Variants in CDYL observed in about 807,000 individuals in gnomAD.
CDYL encodes the protein chromodomain Y like.
Under a neutral mutation model 47.3 loss-of-function variants are expected in CDYL, and 8 were observed. That is an observed-to-expected ratio of 0.17 (90% CI 0.10 to 0.31). The LOEUF is 0.31. Among genes scored for constraint, CDYL ranks in the 10% least tolerant of loss-of-function variants. The probability of loss-of-function intolerance (pLI) is 1.00; values close to 1 mark genes in which losing one functional copy is unlikely to be tolerated. For synonymous variants in CDYL, 266 were observed against 265.0 expected (o/e 1.00, Z -0.04); for missense variants, 471 against 701.4 (o/e 0.67, Z 3.71).
chr6:4,904,315 C>T (rs776360975), intron 2 of CDYL, among the ~76,000 whole-genome samples: 3 of 152,246 alleles, frequency 2.0e-5, no homozygotes, highest in South Asian at 2.1e-4. Context: ...GAATACCCAT[C>T]TCCTCCAGTG....
At chr6:4,898,334 G>A (rs1762347140) in intron 2 of CDYL, among the ~76,000 whole-genome samples, 2 of 152,196 alleles carry the variant, frequency 1.3e-5, no homozygotes, top group African/African-American at 2.4e-5. Flanking sequence ...GACATTTGAA[G>A]TCAAGTTACA....
chr6:4,722,120 T>G (rs1018913986), intron 2 of CDYL, among the ~76,000 whole-genome samples: 1 of 152,228 alleles, frequency 6.6e-6, no homozygotes, highest in Non-Finnish European at 1.5e-5. Flanking sequence ...CCCAAAGTGT[T>G]GGGATTACAG....
chr6:4,917,989 A>G (rs934778068), intron 2 of CDYL, among the ~76,000 whole-genome samples: 1 of 152,232 alleles, frequency 6.6e-6, no homozygotes, highest in Non-Finnish European at 1.5e-5. Flanking sequence ...CTATTCATGT[A>G]TCTACCCAAG....
At chr6:4,791,315 C>G (rs144320061) in intron 1 of CDYL, among the ~76,000 whole-genome samples, 2 of 152,156 alleles carry the variant, frequency 1.3e-5, no homozygotes, top group Non-Finnish European at 2.9e-5. Flanking sequence ...AAATTTTTAA[C>G]GAAGACCTTT....
intron 5 of CDYL, among the ~76,000 whole-genome samples, chr6:4,946,346 C>CT (rs1170928572): frequency 1.3e-5 from 2 of 152,112 alleles, no homozygotes; most frequent in Admixed American, 6.5e-5. Flanking sequence ...CCTTGATCCA[C>CT]TTTTTTTTCT....
intron 2 of CDYL, among the ~76,000 whole-genome samples, chr6:4,901,457 T>C (rs1487882843): frequency 1.3e-5 from 2 of 152,176 alleles, no homozygotes; most frequent in African/African-American, 4.8e-5. Context: ...ACAGGCTCTC[T>C]AGCCTCTTCC....
Position 4,895,794 on chromosome 6 carries a change from C to T in CDYL, c.691+3415C>T, listed in dbSNP as rs116223632. On this transcript the variant is annotated intron_variant, in intron 2 of 6. Coordinates refer to ENST00000397588, the MANE Select transcript of CDYL (RefSeq NM_004824.4). Reference sequence around the variant, plus strand: ...CAATTCGCAACAAGAACCTTCATTCCTTTATATTTCTTATATAAGGAAGAT... The same window carrying T: ...CAATTCGCAACAAGAACCTTCATTCTTTTATATTTCTTATATAAGGAAGAT... 6.5e-3 allele frequency among the ~76,000 whole-genome samples: 986 copies of T among 152,252 alleles called. 10 individuals are homozygous for T. The highest frequency in any genetic ancestry group is 0.023 in the African/African-American group (951 of 41,532).
At chr6:4,742,774 T>C (rs916539577) in intron 3 of CDYL, among the ~76,000 whole-genome samples, 1 of 152,166 alleles carries the variant, frequency 6.6e-6, no homozygotes, top group African/African-American at 2.4e-5. Context: ...TCTCAGGGGT[T>C]TTTCCTTGTC....
At chr6:4,940,748 C>T (rs758967564) in intron 4 of CDYL, among the ~76,000 whole-genome samples, 18 of 152,264 alleles carry the variant, frequency 1.2e-4, no homozygotes, top group Admixed American at 3.3e-4. Context: ...TTTCTTCTTC[C>T]TCCCACAGAG....
intron 3 of CDYL, among the ~76,000 whole-genome samples, chr6:4,741,365 G>A (rs1757794374): frequency 6.6e-6 from 1 of 152,166 alleles, no homozygotes; most frequent in South Asian, 2.1e-4. Context: ...CAGCTTCATA[G>A]CATAAAACTG....
chr6:4,753,200 G>A (rs1426134301), intron 3 of CDYL, among the ~76,000 whole-genome samples: 3 of 152,200 alleles, frequency 2.0e-5, no homozygotes, highest in Non-Finnish European at 4.4e-5. Flanking sequence ...CATGAGCCAC[G>A]GTGCCTGGCC....
At chr6:4,824,989 G>A (rs1452557426) in intron 1 of CDYL, among the ~76,000 whole-genome samples, 1 of 152,002 alleles carries the variant, frequency 6.6e-6, no homozygotes, top group Non-Finnish European at 1.5e-5. Context: ...TTGTGCCTCA[G>A]CCTCCTGAGT....
intron 2 of CDYL, among the ~76,000 whole-genome samples, chr6:4,893,545 T>C (rs1762111030): frequency 6.6e-6 from 1 of 152,104 alleles, no homozygotes; most frequent in Admixed American, 6.5e-5. Context: ...ATACAAAAAT[T>C]AGCCAGGCGC....
intron 5 of CDYL, among the ~76,000 whole-genome samples, chr6:4,951,782 A>G (rs922701124): frequency 1.3e-5 from 2 of 152,118 alleles, no homozygotes; most frequent in Non-Finnish European, 2.9e-5. Context: ...TTTGGTAGGA[A>G]TTCTGTGCCT....
intron 1 of CDYL, among the ~76,000 whole-genome samples, chr6:4,889,182 A>G (rs1761972668): frequency 1.3e-5 from 2 of 151,400 alleles, no homozygotes; most frequent in Admixed American, 6.6e-5. Context: ...ATCTCAAGCT[A>G]TGGCTGCCTG....
intron 1 of CDYL, among the ~76,000 whole-genome samples, chr6:4,829,956 T>A (rs1370083671): frequency 6.6e-6 from 1 of 152,226 alleles, no homozygotes; most frequent in African/African-American, 2.4e-5. Flanking sequence ...GCTTCTTGAT[T>A]CAATGTTCAC....
chr6:4,953,316 G>A lies in CDYL; in HGVS notation c.1477-582G>A, dbSNP rs138652695. Among the ~76,000 whole-genome samples, 1,028 of 151,828 alleles carry A rather than the reference G, an allele frequency of 6.8e-3. 7 individuals carry two copies. The highest frequency in any genetic ancestry group is 0.016 in the African/African-American group (673 of 41,502). On this transcript the variant is annotated intron_variant, in intron 6 of 6. Transcript: ENST00000397588. ...AGAGAATCGCTTGAACCCGGGAGGC[G>A]GAGATTGCAGTGAGCGGAGATCCCG...
Position 4,821,707 on chromosome 6 carries a change from G to A in CDYL, c.24+44900G>A, listed in dbSNP as rs546589655. On this transcript the variant is annotated intron_variant, in intron 1 of 6. Transcript: ENST00000397588. ...ACTGAGATCACACCACTGTACTCCAGCCTGGGCTCTAGAGCAAGACTGTAT... is the reference window on the plus strand; with the variant it reads ...ACTGAGATCACACCACTGTACTCCAACCTGGGCTCTAGAGCAAGACTGTAT... 1.2e-3 allele frequency among the ~76,000 whole-genome samples: 183 copies of A among 151,282 alleles called. No individual in the cohort carries two copies. The South Asian group carries it at 0.018, about 15-fold the overall frequency.
At chr6:4,868,797 A>G (rs1761393008) in intron 1 of CDYL, among the ~76,000 whole-genome samples, 1 of 152,192 alleles carries the variant, frequency 6.6e-6, no homozygotes, top group Non-Finnish European at 1.5e-5. Context: ...TATTTTGAGG[A>G]TCATACATAC....
Sources: allele counts gnomAD v4.1 joint callset (sites outside exome capture counted in the v4.1 genomes callset), GRCh38; gene constraint gnomAD v4.1.1; transcripts MANE v1.5; gene names NCBI Gene and HGNC (gene_info 2026-07-23, HGNC 2026-07-21).